Variants in PAPPA2 observed in about 807,000 individuals in gnomAD.
PAPPA2 encodes the protein pappalysin-2.
Under a neutral mutation model 176.4 loss-of-function variants are expected in PAPPA2, and 86 were observed. The ratio of observed to expected loss-of-function variants is 0.49; its 90% CI spans 0.41 to 0.58. The LOEUF (loss-of-function observed/expected upper bound fraction) is 0.58, where lower values mean the gene tolerates loss of function less well. Ranked by LOEUF, PAPPA2 falls within the 20% of genes least tolerant of loss-of-function variation. The pLI is 0.00. For missense variants in PAPPA2, 2,073 were observed against 2,256.9 expected (o/e 0.92, Z 1.65); for synonymous variants, 809 against 852.2 (o/e 0.95, Z 0.88).
At position 176,477,694 on chromosome 1, in the gene PAPPA2, G is replaced by A. The variant is rs1436854837; in HGVS notation, c.-917+14276G>A. Among the ~76,000 whole-genome samples, 16 of 152,126 alleles carry A rather than the reference G, an allele frequency of 1.1e-4. No individual in the cohort carries two copies. The East Asian group carries it at 1.7e-3, about 17-fold the overall frequency. ...TGGGAGGTGGAAGTTGCAGTGAGCC[G>A]AGATTGCGCCACTGCACTCCAGCCT... is the stretch of plus-strand genomic sequence containing the variant. On this transcript the variant is annotated intron_variant, in intron 1 of 22. Coordinates refer to ENST00000367662, the MANE Select transcript of PAPPA2 (RefSeq NM_020318.3).
At chr1:176,584,693 T>A (rs1426307460) in intron 2 of PAPPA2, among the ~76,000 whole-genome samples, 1 of 150,884 alleles carries the variant, frequency 6.6e-6, no homozygotes, top group Non-Finnish European at 1.5e-5. Context: ...ATTTTTTATG[T>A]TTGGCATGGT....
chr1:176,704,411 A>G (rs1660788232), intron 9 of PAPPA2, among the ~76,000 whole-genome samples: 1 of 152,194 alleles, frequency 6.6e-6, no homozygotes, highest in South Asian at 2.1e-4. Context: ...CTTGGATAAC[A>G]CTTGTCAATA....
intron 1 of PAPPA2, among the ~76,000 whole-genome samples, chr1:176,514,556 C>G (rs1231529805): frequency 6.6e-6 from 1 of 152,234 alleles, no homozygotes; most frequent in African/African-American, 2.4e-5. Flanking sequence ...TGACTTAAGT[C>G]AAAACCTCAG....
chr1:176,493,808 G>T (rs1647440749), intron 1 of PAPPA2, among the ~76,000 whole-genome samples: 1 of 152,156 alleles, frequency 6.6e-6, no homozygotes, highest in Admixed American at 6.5e-5. Context: ...ATCCATCTAA[G>T]TTCTAAATAA....
chr1:176,576,462 A>G (rs949975329), intron 2 of PAPPA2, among the ~76,000 whole-genome samples: 6 of 139,212 alleles, frequency 4.3e-5, no homozygotes, highest in African/African-American at 1.7e-4. Context: ...CACTAGGGAA[A>G]CACGTCAATG....
rs751386156 is a variant in PAPPA2, at chr1:176,690,428, C to T, written c.2429C>T (p.Thr810Met). The stretch of plus-strand genomic sequence containing the variant: ...CCGTTCACCAACTACATGAGCTACA[C>T]GGGTATCACCACTGTCTTGTTTTGT... ...GAPFTNYMSY[T>M]DDNCTDNFTP... Residue 810 changes from threonine (T) to methionine (M), a missense_variant and splice_region_variant, in exon 5 of 23, where the codon ACG becomes ATG. Coordinates refer to ENST00000367662, the MANE Select transcript of PAPPA2 (RefSeq NM_020318.3). The T allele has an allele frequency of 6.2e-6, 10 of 1,613,356 alleles. No homozygotes were observed. Among genetic ancestry groups the T allele is most frequent in the South Asian group, 1.1e-5 (1 of 91,070 alleles).
chr1:176,842,346 A>C, intron 22 of PAPPA2, 34 bp from the exon 23 acceptor site: 1 of 1,576,618 alleles, frequency 6.3e-7, no homozygotes. Context: ...TATCACAGAA[A>C]TGAGCTATTT....
intron 4 of PAPPA2, among the ~76,000 whole-genome samples, chr1:176,687,199 C>T (rs1257883110): frequency 6.6e-6 from 1 of 152,106 alleles, no homozygotes; most frequent in East Asian, 1.9e-4. Context: ...ATATAGCTTG[C>T]AAATGTGTGT....
intron 3 of PAPPA2, chr1:176,616,390 C>A: frequency 1.7e-6 from 1 of 600,424 alleles, no homozygotes; most frequent in Non-Finnish European, 3.2e-6. Flanking sequence ...CGCTTTTGTC[C>A]TATGAATTGT....
intron 14 of PAPPA2, among the ~76,000 whole-genome samples, chr1:176,740,562 C>G (rs1345983736): frequency 1.3e-5 from 2 of 152,182 alleles, no homozygotes; most frequent in Non-Finnish European, 2.9e-5. Context: ...TTTTCCACTT[C>G]TTTCCACCTG....
chr1:176,570,626 C>T (rs1652269002), intron 2 of PAPPA2, among the ~76,000 whole-genome samples: 1 of 151,468 alleles, frequency 6.6e-6, no homozygotes, highest in Non-Finnish European at 1.5e-5. Flanking sequence ...GCAATGCTCC[C>T]TCCTGGGTGT....
chr1:176,816,614 G>A (rs764519204), intron 21 of PAPPA2, among the ~76,000 whole-genome samples: 27 of 149,418 alleles, frequency 1.8e-4, no homozygotes, highest in Admixed American at 3.3e-4. Flanking sequence ...TTTTTTTTAT[G>A]AGTTCATGCC....
intron 12 of PAPPA2, among the ~76,000 whole-genome samples, chr1:176,717,100 C>T (rs1407751641): frequency 6.6e-6 from 1 of 152,160 alleles, no homozygotes; most frequent in Admixed American, 6.5e-5. Flanking sequence ...GACCTCCACC[C>T]TTCTGCAGCC....
intron 3 of PAPPA2, among the ~76,000 whole-genome samples, chr1:176,613,432 A>G (rs904463250): frequency 6.6e-6 from 1 of 152,204 alleles, no homozygotes; most frequent in African/African-American, 2.4e-5. Context: ...ATTGGATTAG[A>G]TAATCCAAAG....
chr1:176,667,327 A>T (rs1221195002), intron 3 of PAPPA2, among the ~76,000 whole-genome samples: 1 of 152,118 alleles, frequency 6.6e-6, no homozygotes, highest in South Asian at 2.1e-4. Flanking sequence ...TCAGGCGATG[A>T]TAAGAGGTGG....
At chr1:176,826,715 A>G (rs1217613991) in intron 21 of PAPPA2, among the ~76,000 whole-genome samples, 1 of 152,244 alleles carries the variant, frequency 6.6e-6, no homozygotes, top group African/African-American at 2.4e-5. Flanking sequence ...GCCATTTTTC[A>G]GGTCAACTGG....
intron 3 of PAPPA2, among the ~76,000 whole-genome samples, chr1:176,664,077 A>G (rs1658495022): frequency 6.6e-6 from 1 of 152,170 alleles, no homozygotes; most frequent in African/African-American, 2.4e-5. Context: ...CATCTTTTAA[A>G]GCCAGATGTT....
chr1:176,623,544 C>A (rs1350276000), intron 3 of PAPPA2, among the ~76,000 whole-genome samples: 1 of 151,530 alleles, frequency 6.6e-6, no homozygotes, highest in African/African-American at 2.4e-5. Context: ...CCTCCTGGAA[C>A]AGCTGCATTT....
chr1:176,733,452 A>G (rs961352773), intron 12 of PAPPA2, among the ~76,000 whole-genome samples: 4 of 152,246 alleles, frequency 2.6e-5, no homozygotes, highest in Admixed American at 1.3e-4. Context: ...CAGTGGGTCA[A>G]TAGTTTATTC....
Sources: gnomAD v4.1 joint callset for allele counts (sites outside exome capture counted in the v4.1 genomes callset) on GRCh38, gnomAD v4.1.1 for gene constraint, MANE v1.5 for transcripts, NCBI Gene and HGNC (gene_info 2026-07-23, HGNC 2026-07-21) for gene names.